The following ABCC3 variants were observed in gnomAD, a reference collection of about 807,000 sequenced individuals.
ABCC3 encodes ATP binding cassette subfamily C member 3.
Under a neutral mutation model 165.3 loss-of-function variants are expected in ABCC3, and 121 were observed. That is an observed-to-expected ratio of 0.73 (90% CI 0.63 to 0.85). The LOEUF (loss-of-function observed/expected upper bound fraction) is 0.85, where lower values mean the gene tolerates loss of function less well. Among genes scored for constraint, ABCC3 ranks in the 40% least tolerant of loss-of-function variants. ABCC3 has a pLI of 0.00. For missense variants in ABCC3, 1,869 were observed against 1,964.1 expected, an observed-to-expected ratio of 0.95 and a Z score of 0.92; for synonymous variants, 733 against 810.1, an observed-to-expected ratio of 0.90 and a Z score of 1.62.
At chr17:50,674,038 T>TCTC (rs1967746524) in intron 19 of ABCC3, among the ~76,000 whole-genome samples, 1 of 24,476 alleles carries the variant, frequency 4.1e-5, no homozygotes, top group Non-Finnish European at 7.1e-5. Context: ...CTCTCTCTCT[T>TCTC]TCTTTCTTTC....
At chr17:50,643,593 G>T (rs1966930483) in intron 1 of ABCC3, 1 of 456,172 alleles carries the variant, frequency 2.2e-6, no homozygotes, top group Admixed American at 2.3e-5. Context: ...ACCAAACATT[G>T]TCAAGGCCAA....
intron 17 of ABCC3, among the ~76,000 whole-genome samples, chr17:50,670,402 C>T (rs1337479307): frequency 6.6e-6 from 1 of 152,094 alleles, no homozygotes; most frequent in Non-Finnish European, 1.5e-5. Flanking sequence ...CTTTTGACCT[C>T]AGTTTTAACA....
At chr17:50,642,755 C>T (rs1966916254) in intron 1 of ABCC3, among the ~76,000 whole-genome samples, 2 of 152,228 alleles carry the variant, frequency 1.3e-5, no homozygotes, top group African/African-American at 4.8e-5. Flanking sequence ...CCCCACCCGC[C>T]TTACAGAGCC....
At chr17:50,646,722 C>T (rs1472688726) in intron 1 of ABCC3, among the ~76,000 whole-genome samples, 1 of 152,180 alleles carries the variant, frequency 6.6e-6, no homozygotes, top group African/African-American at 2.4e-5. Context: ...ATGGCAATTG[C>T]TCATGAAGAG....
chr17:50,674,717 A>G (rs920184604), intron 19 of ABCC3, among the ~76,000 whole-genome samples: 5 of 151,906 alleles, frequency 3.3e-5, no homozygotes, highest in Middle Eastern at 3.5e-3. Flanking sequence ...CATACAGCCA[A>G]CGTGCCTTGA....
At chr17:50,649,385 C>A (rs529019137) in intron 1 of ABCC3, among the ~76,000 whole-genome samples, 1 of 152,112 alleles carries the variant, frequency 6.6e-6, no homozygotes, top group Non-Finnish European at 1.5e-5. Flanking sequence ...GAGGTGTTTG[C>A]CTTATGTGGA....
chr17:50,673,005 T>C lies in ABCC3; in HGVS notation c.2276T>C (p.Val759Ala). 2 of 1,613,740 alleles carry C rather than the reference T, an allele frequency of 1.2e-6. No homozygotes were observed. The highest frequency in any genetic ancestry group is 1.7e-6 in the Non-Finnish European group (2 of 1,179,928). The change falls in exon 18 of 31, where the codon GTC (valine) becomes GCC (alanine). Residue 759 changes from valine (V) to alanine (A), a missense_variant. Transcript: ENST00000285238. ...INLSGGQRQRVSLARAVYSDA... is the reference protein window; with the variant it reads ...INLSGGQRQRASLARAVYSDA... The stretch of plus-strand genomic sequence containing the variant: ...CTGTCTGGGGGCCAGCGGCAGCGGG[T>C]CAGTCTGGCTCGAGCTGTTTACAGT...
Position 50,663,801 on chromosome 17 carries a change from C to A in ABCC3, c.1119C>A (p.Tyr373Ter). 6.2e-7 allele frequency: 1 copy of A among 1,614,210 alleles called. No individual in the cohort carries two copies. Among genetic ancestry groups the A allele is most frequent in the Non-Finnish European group, 8.5e-7 (1 of 1,180,046 alleles). Reference sequence around the variant, plus strand: ...TGATCTTACAACACTATTACCACTACATCTTTGTGACTGGGGTGAAGTTTC... The same window carrying A: ...TGATCTTACAACACTATTACCACTAAATCTTTGTGACTGGGGTGAAGTTTC... ...QSLILQHYYHYIFVTGVKFRT... is the reference protein window; with the variant it reads ...QSLILQHYYH Residue 373 changes from tyrosine to a stop codon, truncating the protein, a stop_gained, in exon 9 of 31, where the codon TAC becomes TAA. Transcript: ENST00000285238. LOFTEE classifies it high-confidence loss of function.
chr17:50,658,200 T>G lies in ABCC3; in HGVS notation c.605T>G (p.Val202Gly). 6.2e-7 allele frequency: 1 copy of G among 1,614,196 alleles called. No homozygotes were observed. The highest frequency in any genetic ancestry group is 8.5e-7 in the Non-Finnish European group (1 of 1,180,014). Residue 202 changes from valine (V) to glycine (G), a missense_variant, in exon 5 of 31, where the codon GTC (valine) becomes GGC (glycine). Val to Gly is a moderately radical substitution (Grantham distance 109). Transcript: ENST00000285238. ...CCTCCATTTTTCTCCGCAAAGAATGTCGACCCTGTGAGTTTCCCATGGAGG... is the reference window on the plus strand; with the variant it reads ...CCTCCATTTTTCTCCGCAAAGAATGGCGACCCTGTGAGTTTCCCATGGAGG... Reference protein sequence around the residue: ...EKPPFFSAKNVDPNPYPETSA... With the variant: ...EKPPFFSAKNGDPNPYPETSA...
Position 50,675,907 on chromosome 17 carries a change from T to C in ABCC3, c.2884T>C (p.Tyr962His). 6.2e-7 allele frequency: 1 copy of C among 1,614,142 alleles called. No homozygotes were observed. The highest frequency in any genetic ancestry group is 1.3e-5 in the African/African-American group (1 of 75,036). Residue 962 changes from tyrosine to histidine, a missense_variant, in exon 22 of 31, where the codon TAT becomes CAT. Tyr to His is a moderately conservative substitution (Grantham distance 83). Coordinates refer to ENST00000285238, the MANE Select transcript of ABCC3 (RefSeq NM_003786.4). Reference sequence around the variant, plus strand: ...GGTGGAGCTCAGTGTGTTCTGGGATTATGCCAAGGCCGTGGGGCTCTGTAC... The same window carrying C: ...GGTGGAGCTCAGTGTGTTCTGGGATCATGCCAAGGCCGTGGGGCTCTGTAC... ...GTVELSVFWD[Y>H]AKAVGLCTTL...
intron 26 of ABCC3, among the ~76,000 whole-genome samples, chr17:50,680,311 T>G (rs1967905738): frequency 6.6e-6 from 1 of 152,090 alleles, no homozygotes; most frequent in Admixed American, 6.6e-5. Flanking sequence ...AAGGTGAGCA[T>G]TCCAGCCAAA....
At chr17:50,690,745 G>A (rs1968109705) in intron 30 of ABCC3, among the ~76,000 whole-genome samples, 1 of 152,238 alleles carries the variant, frequency 6.6e-6, no homozygotes, top group South Asian at 2.1e-4. Flanking sequence ...CAAAGCAGAT[G>A]GATGTGCACA....
At chr17:50,657,810 C>T (rs1967286013) in intron 4 of ABCC3, among the ~76,000 whole-genome samples, 1 of 152,234 alleles carries the variant, frequency 6.6e-6, no homozygotes, top group Non-Finnish European at 1.5e-5. Flanking sequence ...ATGAGCTGTC[C>T]TGCCTGTAGG....
intron 13 of ABCC3, 41 bp downstream of exon 13, chr17:50,668,050 C>A: frequency 6.3e-7 from 1 of 1,575,286 alleles, no homozygotes; most frequent in Non-Finnish European, 8.7e-7. Flanking sequence ...GGAGTTGGAA[C>A]AGGTTGTTGG....
intron 19 of ABCC3, among the ~76,000 whole-genome samples, chr17:50,673,992 CT>C (rs1967734293): frequency 7.4e-5 from 1 of 13,486 alleles, no homozygotes; most frequent in African/African-American, 4.7e-4. Flanking sequence ...CTCTCTCTCT[CT>C]CTCTCTCTCT....
rs1967005473 is a variant in ABCC3, at chr17:50,646,564, G to A, written c.46-9268G>A. Among the ~76,000 whole-genome samples the A allele has an allele frequency of 4.6e-5, 7 of 152,228 alleles. No homozygotes were observed. The South Asian group carries it at 1.4e-3, about 31-fold the overall frequency. The stretch of plus-strand genomic sequence containing the variant: ...GTTGAGTGCAGATAGGAAGGAGGCA[G>A]AGAAGAGGAAAGGACTGAGCTCCAG... On this transcript the variant is annotated intron_variant, in intron 1 of 30. Coordinates refer to ENST00000285238, the MANE Select transcript of ABCC3 (RefSeq NM_003786.4).
chr17:50,647,238 T>G (rs1395009599), intron 1 of ABCC3, among the ~76,000 whole-genome samples: 1 of 152,176 alleles, frequency 6.6e-6, no homozygotes, highest in East Asian at 1.9e-4. Context: ...CCCTGCCAAG[T>G]CTCAAACACC....
chr17:50,669,060 C>T (rs1967586288), intron 15 of ABCC3, 80 bp from the exon 16 acceptor site: 2 of 1,594,802 alleles, frequency 1.3e-6, no homozygotes, highest in African/African-American at 1.3e-5. Flanking sequence ...GGGCGGAGGG[C>T]TTGGTTCTGC....
chr17:50,677,663 A>C, intron 23 of ABCC3, 81 bp from the exon 24 acceptor site: 2 of 1,389,848 alleles, frequency 1.4e-6, no homozygotes, highest in Non-Finnish European at 2.0e-6. Flanking sequence ...GACTCATCTG[A>C]AAATGGATGA....
Sources: gnomAD v4.1 joint callset for allele counts (sites outside exome capture counted in the v4.1 genomes callset) on GRCh38, gnomAD v4.1.1 for gene constraint, MANE v1.5 for transcripts, NCBI Gene and HGNC (gene_info 2026-07-23, HGNC 2026-07-21) for gene names.